Variants in CCNE1 observed in about 807,000 individuals in gnomAD.
The protein encoded by CCNE1 is G1/S-specific cyclin-E1.
A neutral mutation model predicts 54.1 loss-of-function variants in CCNE1; 8 were observed. The observed-to-expected ratio is 0.15, with a 90% CI of 0.09 to 0.27. The LOEUF (loss-of-function observed/expected upper bound fraction) is 0.27, where lower values mean the gene tolerates loss of function less well. Among genes scored for constraint, CCNE1 ranks in the 10% least tolerant of loss-of-function variants. The pLI is 1.00. For missense variants in CCNE1, 430 were observed against 514.9 expected (o/e 0.84, Z 1.60); for synonymous variants, 179 against 185.2 (o/e 0.97, Z 0.27).
chr19:29,818,230 G>T (rs911451289), intron 6 of CCNE1, among the ~76,000 whole-genome samples: 3 of 152,178 alleles, frequency 2.0e-5, no homozygotes, highest in Non-Finnish European at 4.4e-5. Context: ...GTTTCACCGT[G>T]TTAGCCAGGA....
At chr19:29,820,332 C>G (rs1344758172) in intron 6 of CCNE1, among the ~76,000 whole-genome samples, 1 of 152,200 alleles carries the variant, frequency 6.6e-6, no homozygotes, top group Non-Finnish European at 1.5e-5. Flanking sequence ...AGGTGGATCA[C>G]TTGAGGCCGG....
chr19:29,814,070 C>T lies in CCNE1; in HGVS notation c.180+1033C>T, dbSNP rs1395787411. Among the ~76,000 whole-genome samples, 7 of 152,092 alleles carry T rather than the reference C, an allele frequency of 4.6e-5. No homozygotes were observed. The East Asian group carries it at 5.8e-4, about 13-fold the overall frequency. ...AGTTGTCACTGCATGTAAGGTCCCC[C>T]GAAATAAGCATTTCTGAGGAGGGTC... On this transcript the variant is annotated intron_variant, in intron 4 of 11. Coordinates refer to ENST00000262643, the MANE Select transcript of CCNE1 (RefSeq NM_001238.4).
At chr19:29,817,369 T>C (rs1974046629) in intron 5 of CCNE1, 37 bp from the exon 6 acceptor site, 3 of 1,613,696 alleles carry the variant, frequency 1.9e-6, no homozygotes, top group Non-Finnish European at 1.7e-6. Context: ...TTCTTACCCC[T>C]TTGTGGGCCT....
rs149734153 is a variant in CCNE1 at position 29,814,799 on chromosome 19, A to C, written c.180+1762A>C. On this transcript the variant is annotated intron_variant, in intron 4 of 11. Transcript: ENST00000262643. ...ATGGAAGCTTTTTAATTTTCATCTT[A>C]GGCTGTTCTTAATGAAAAGAATACC... is the stretch of plus-strand genomic sequence containing the variant. 1.6e-4 allele frequency among the ~76,000 whole-genome samples: 24 copies of C among 152,272 alleles called. No individual in the cohort carries two copies. The East Asian group carries it at 4.0e-3, about 26-fold the overall frequency.
Position 29,820,865 on chromosome 19 carries a change from T to C in CCNE1, c.609+17T>C, listed in dbSNP as rs372490773. The C allele has an allele frequency of 6.7e-5, 105 of 1,560,120 alleles. No individual in the cohort carries two copies. The highest frequency in any genetic ancestry group is 9.3e-5 in the Non-Finnish European group (105 of 1,134,290). ...AAACTTGAGGTAAATAATTTTCAAA[T>C]ATTTGTTCTATAATGTGTGTTATTT... On this transcript the variant is annotated intron_variant, in intron 7 of 11. Transcript: ENST00000262643.
chr19:29,821,673 C>T (rs751072634), intron 7 of CCNE1, 49 bp from the exon 8 acceptor site: 23 of 1,021,174 alleles, frequency 2.3e-5, no homozygotes, highest in Non-Finnish European at 3.4e-5. Flanking sequence ...TAAATTGAGA[C>T]TGTTAGAGAT....
Position 29,818,763 on chromosome 19 carries a change from CTT to C in CCNE1, c.462+1237_462+1238del, listed in dbSNP as rs34147702. Among the ~76,000 whole-genome samples, 115 of 140,192 alleles carry C rather than the reference CTT, an allele frequency of 8.2e-4. 1 individual carries two copies. The highest frequency in any genetic ancestry group is 7.1e-4 in the Admixed American group (10 of 14,148). The allele number at this position is 140,192 out of a possible 152,430, so 92.0% of individuals were successfully genotyped here. A position where few individuals can be genotyped will look rare whatever the true frequency, so the allele number is the denominator to read the frequency against. On this transcript the variant is annotated intron_variant, in intron 6 of 11. Coordinates refer to ENST00000262643, the MANE Select transcript of CCNE1 (RefSeq NM_001238.4). ...TGGGCAACATAGCGAGACCCCATGT[CTT>C]TTTTTTTTTTTTTTGAGACGGAGTT...
At position 29,820,738 on chromosome 19, in the gene CCNE1, T is replaced by A; in HGVS notation, c.499T>A (p.Tyr167Asn). Residue 167 changes from tyrosine to asparagine, a missense_variant, in exon 7 of 12, where the codon TAC (tyrosine) becomes AAC (asparagine). By Grantham distance (143) the Tyr-to-Asn change is moderately radical. This residue lies in a region of CCNE1 where 303 missense variants were observed against 401.1 expected (regional missense o/e 0.76). Transcript: ENST00000262643. ...CTATAAACTTCACAGGGAGACCTTT[T>A]ACTTGGCACAAGATTTCTTTGACCG... is the stretch of plus-strand genomic sequence containing the variant. ...EVYKLHRETF[Y>N]LAQDFFDRYM... 1 of 1,612,540 alleles carries A rather than the reference T, an allele frequency of 6.2e-7. No individual in the cohort carries two copies. The highest frequency in any genetic ancestry group is 8.5e-7 in the Non-Finnish European group (1 of 1,178,782).
Position 29,820,815 on chromosome 19 carries a change from G to T in CCNE1, c.576G>T (p.Gly192=), listed in dbSNP as rs1457257402. Residue 192 remains glycine, a synonymous_variant, in exon 7 of 12, where the codon GGG becomes GGT. Coordinates refer to ENST00000262643, the MANE Select transcript of CCNE1 (RefSeq NM_001238.4). ...TAAAAACTCTTTTACAGCTTATTGG[G>T]ATTTCATCTTTATTTATTGCAGCCA... ...NVVKTLLQLI[G]ISSLFIAAKL... 1 of 1,601,346 alleles carries T rather than the reference G, an allele frequency of 6.2e-7. No individual in the cohort carries two copies. Among genetic ancestry groups the T allele is most frequent in the African/African-American group, 1.3e-5 (1 of 74,506 alleles).
intron 3 of CCNE1, 73 bp downstream of exon 3, chr19:29,812,849 G>T: frequency 6.3e-7 from 1 of 1,583,032 alleles, no homozygotes. Context: ...CTCTGCCTAC[G>T]GGGGCGGGGG....
chr19:29,823,584 A>C, intron 11 of CCNE1, 71 bp from the exon 12 acceptor site: 1 of 1,349,790 alleles, frequency 7.4e-7, no homozygotes, highest in Admixed American at 2.6e-5. Context: ...AAAAAAGAAA[A>C]AGCCTATGGT....
intron 5 of CCNE1, 30 bp downstream of exon 5, chr19:29,817,312 A>T (rs530187511): frequency 5.6e-6 from 9 of 1,613,924 alleles, no homozygotes; most frequent in Non-Finnish European, 7.6e-6. Context: ...CATGGCTTCC[A>T]GGTCTCTTAC....
At chr19:29,820,551 A>C in intron 6 of CCNE1, 151 bp from the exon 7 acceptor site, 1 of 625,704 alleles carries the variant, frequency 1.6e-6, no homozygotes, top group Non-Finnish European at 2.8e-6. Context: ...GCACCTCAAA[A>C]AAAAAACAAA....
Position 29,821,880 on chromosome 19 carries a change from AGT to A in CCNE1, c.705+67_705+68del, listed in dbSNP as rs1220726884. ...CGTACGGCAGATCTTTTCCACCTGA[AGT>A]GTGAGTGCCTCTGGGAGGTGTTCTC... On this transcript the variant is annotated intron_variant, in intron 8 of 11. Coordinates refer to ENST00000262643, the MANE Select transcript of CCNE1 (RefSeq NM_001238.4). 2.7e-6 allele frequency: 4 copies of A among 1,503,436 alleles called. No homozygotes were observed. The Admixed American group carries it at 6.7e-5, about 25-fold the overall frequency. The allele number at this position is 1,503,436 out of a possible 1,614,324, so 93.1% of individuals were successfully genotyped here.
chr19:29,817,635 A>G (rs1974056029), intron 6 of CCNE1, 94 bp downstream of exon 6: 3 of 1,305,156 alleles, frequency 2.3e-6, no homozygotes, highest in Non-Finnish European at 3.3e-6. Flanking sequence ...TTCCCTCGAC[A>G]TGTTCTCCAT....
chr19:29,818,994 C>T (rs1974091333), intron 6 of CCNE1, among the ~76,000 whole-genome samples: 1 of 151,892 alleles, frequency 6.6e-6, no homozygotes, highest in African/African-American at 2.4e-5. Flanking sequence ...AAGTCCCGAC[C>T]TCAGGTGATC....
At chr19:29,818,934 G>T (rs908040066) in intron 6 of CCNE1, among the ~76,000 whole-genome samples, 1 of 151,930 alleles carries the variant, frequency 6.6e-6, no homozygotes, top group Admixed American at 6.6e-5. Flanking sequence ...GGCTAATTTT[G>T]TATTTTTAGT....
intron 4 of CCNE1, 134 bp from the exon 5 acceptor site, chr19:29,817,003 G>A (rs566927332): frequency 4.7e-6 from 4 of 845,048 alleles, no homozygotes; most frequent in East Asian, 5.2e-5. Context: ...ATATCATAAT[G>A]TATCTTTTTG....
Position 29,821,985 on chromosome 19 carries a change from T to C in CCNE1, c.706-11T>C. Reference sequence around the variant, plus strand: ...CAATCATCGGTCTCTTTTCTCTCTGTTTTCCTTTAGGCCCTTAAGTGGCGT... The same window carrying C: ...CAATCATCGGTCTCTTTTCTCTCTGCTTTCCTTTAGGCCCTTAAGTGGCGT... On this transcript the variant is annotated splice_polypyrimidine_tract_variant and intron_variant, in intron 8 of 11. Transcript: ENST00000262643. 1 of 1,603,526 alleles carries C rather than the reference T, an allele frequency of 6.2e-7. No homozygotes were observed. Among genetic ancestry groups the C allele is most frequent in the South Asian group, 1.1e-5 (1 of 90,136 alleles).
Sources: allele counts gnomAD v4.1 joint callset (sites outside exome capture counted in the v4.1 genomes callset), GRCh38; gene constraint gnomAD v4.1.1; regional missense constraint gnomAD v4.1.1; transcripts MANE v1.5; gene names NCBI Gene and HGNC (gene_info 2026-07-23, HGNC 2026-07-21).